KLHL13: variants seen among roughly 807,000 people sequenced by gnomAD.
The protein encoded by KLHL13 is kelch-like protein 13.
KLHL13 carries 10 observed loss-of-function variants against 37.1 expected under a neutral mutation model. The observed-to-expected ratio is 0.27, with a 90% CI of 0.17 to 0.46. KLHL13 has a LOEUF of 0.46. Ranked by LOEUF, KLHL13 falls within the 20% of genes least tolerant of loss-of-function variation. KLHL13 has a pLI of 1.00. For synonymous variants in KLHL13, 163 were observed against 181.2 expected, an observed-to-expected ratio of 0.90 and a Z score of 0.81; for missense variants, 360 against 509.3, an observed-to-expected ratio of 0.71 and a Z score of 2.82.
At chrX:117,964,192 T>TA (rs760681099) in intron 1 of KLHL13, among the ~76,000 whole-genome samples, 3,815 of 101,298 alleles carry the variant, frequency 0.038, 154 homozygotes, top group African/African-American at 0.12. Context: ...TAGAGTATAA[T>TA]AAAAAAAAAA....
intron 1 of KLHL13, among the ~76,000 whole-genome samples, chrX:118,040,566 T>C (rs774973793): frequency 4.5e-5 from 5 of 110,824 alleles, no homozygotes; most frequent in African/African-American, 1.6e-4. Flanking sequence ...ATCTAGAAAA[T>C]AGTCTCAAAA....
intron 1 of KLHL13, among the ~76,000 whole-genome samples, chrX:118,089,363 G>A (rs369522402): frequency 2.3e-4 from 25 of 109,160 alleles, no homozygotes; most frequent in African/African-American, 8.0e-4. Context: ...ATCACTGGAG[G>A]TCTAGTGAGG....
intron 1 of KLHL13, among the ~76,000 whole-genome samples, chrX:118,070,941 G>A (rs1451691067): frequency 9.8e-6 from 1 of 101,675 alleles, no homozygotes; most frequent in Middle Eastern, 4.4e-3. Context: ...AGAGTGTGAT[G>A]TTCCCCTTCC....
chrX:118,069,319 T>G (rs2054830356), intron 1 of KLHL13, among the ~76,000 whole-genome samples: 1 of 107,680 alleles, frequency 9.3e-6, no homozygotes, highest in Non-Finnish European at 1.9e-5. Context: ...AGATAAGATG[T>G]GTAAGTGGAA....
intron 1 of KLHL13, among the ~76,000 whole-genome samples, chrX:118,002,297 A>C (rs2053930770): frequency 9.0e-6 from 1 of 110,888 alleles, no homozygotes; most frequent in African/African-American, 3.3e-5. Context: ...GATGTGCAAT[A>C]AAATGCTATG....
exon 3 of KLHL13, chrX:117,920,362 G>A (rs762118076): frequency 1.7e-6 from 2 of 1,204,729 alleles, no homozygotes; most frequent in Non-Finnish European, 2.2e-6. Context: ...GTCGAAGCTG[G>A]TCAAAGCCCT....
intron 1 of KLHL13, among the ~76,000 whole-genome samples, chrX:118,038,002 A>G (rs1200994871): frequency 2.7e-5 from 3 of 112,239 alleles, no homozygotes; most frequent in Non-Finnish European, 5.6e-5. Flanking sequence ...GAGGATGAAG[A>G]TATCAAGTGA....
chrX:118,057,681 T>G (rs2054699759), intron 1 of KLHL13, among the ~76,000 whole-genome samples: 1 of 109,796 alleles, frequency 9.1e-6, no homozygotes, highest in Non-Finnish European at 1.9e-5. Context: ...AAAAAATTAG[T>G]CGGGTGTGGT....
At chrX:117,907,597 T>A (rs1284905161) in intron 5 of KLHL13, among the ~76,000 whole-genome samples, 2 of 111,687 alleles carry the variant, frequency 1.8e-5, no homozygotes, top group Non-Finnish European at 3.8e-5. Flanking sequence ...TAAAATAGTA[T>A]AATAACATGA....
intron 1 of KLHL13, among the ~76,000 whole-genome samples, chrX:118,046,570 A>T (rs1602681076): frequency 8.9e-6 from 1 of 112,223 alleles, no homozygotes; most frequent in Non-Finnish European, 1.9e-5. Flanking sequence ...AACTCAAAGG[A>T]TAAATGCTTG....
chrX:117,905,534 C>T (rs1023285226), intron 5 of KLHL13, among the ~76,000 whole-genome samples: 1 of 111,406 alleles, frequency 9.0e-6, no homozygotes, highest in Non-Finnish European at 1.9e-5. Flanking sequence ...CACACACACA[C>T]AGTCTTTTTT....
chrX:118,061,755 T>G (rs909879589), intron 1 of KLHL13, among the ~76,000 whole-genome samples: 1 of 111,636 alleles, frequency 9.0e-6, no homozygotes, highest in African/African-American at 3.2e-5. Context: ...CATTATTAAA[T>G]TCGTAGAGAC....
At chrX:117,916,388 T>C (rs748618657) in intron 4 of KLHL13, among the ~76,000 whole-genome samples, 1 of 112,149 alleles carries the variant, frequency 8.9e-6, no homozygotes, top group Non-Finnish European at 1.9e-5. Context: ...TCTGTATTCA[T>C]TTCATTGTCC....
At chrX:118,008,384 G>A (rs2054011919) in intron 1 of KLHL13, among the ~76,000 whole-genome samples, 1 of 111,840 alleles carries the variant, frequency 8.9e-6, no homozygotes, top group Non-Finnish European at 1.9e-5. Context: ...AACTAGCTTG[G>A]CCTTAGGGTA....
At chrX:117,938,234 T>A (rs1166564330) in intron 2 of KLHL13, among the ~76,000 whole-genome samples, 1 of 111,766 alleles carries the variant, frequency 8.9e-6, no homozygotes, top group Non-Finnish European at 1.9e-5. Flanking sequence ...ATTGCATAGT[T>A]TTGGTGCAAC....
chrX:118,015,390 C>T (rs1443307047), intron 1 of KLHL13, among the ~76,000 whole-genome samples: 1 of 111,204 alleles, frequency 9.0e-6, no homozygotes, highest in Non-Finnish European at 1.9e-5. Flanking sequence ...AGAGTCCAAA[C>T]AAACAAACAA....
In KLHL13 at chrX:117,983,427, T is replaced by C. The variant is rs2053687017; in HGVS notation, c.-55-37852A>G. 5.7e-5 allele frequency: 43 copies of C among 759,350 alleles called. No homozygotes were observed. In the South Asian group the frequency reaches 1.1e-3, roughly 20 times the overall value. 62.6% of individuals were successfully genotyped at this position (759,350 alleles called of 1,213,427 possible). A position where few individuals can be genotyped will look rare whatever the true frequency, so the allele number is the denominator to read the frequency against. ...TCTCAGGGTCTTTCATGAAAACCAA[T>C]TCGCACTGAAAAAAAAAAAAAGGTG... On this transcript the variant is annotated intron_variant, in intron 1 of 6. Transcript: ENST00000371882.
chrX:117,908,605 T>C (rs1336581122), intron 5 of KLHL13, among the ~76,000 whole-genome samples: 1 of 111,814 alleles, frequency 8.9e-6, no homozygotes, highest in Non-Finnish European at 1.9e-5. Flanking sequence ...TTTTACCTTT[T>C]TGGGTTAATT....
intron 2 of KLHL13, among the ~76,000 whole-genome samples, chrX:117,939,806 A>T (rs773194237): frequency 2.7e-5 from 3 of 111,011 alleles, no homozygotes; most frequent in Non-Finnish European, 5.7e-5. Context: ...TTTTCTTGTA[A>T]ATTTGTTTAA....
Sources: allele counts gnomAD v4.1 joint callset (sites outside exome capture counted in the v4.1 genomes callset), GRCh38; gene constraint gnomAD v4.1.1; transcripts MANE v1.5; gene names NCBI Gene and HGNC (gene_info 2026-07-23, HGNC 2026-07-21).